Variants in RASSF3 observed in about 807,000 individuals in gnomAD.
RASSF3 encodes the protein Ras association domain family member 3.
A neutral mutation model predicts 19.9 loss-of-function variants in RASSF3; 19 were observed. That is an observed-to-expected ratio of 0.96 (90% CI 0.67 to 1.40). The LOEUF (loss-of-function observed/expected upper bound fraction) is 1.40. RASSF3 is among the 40% of genes most tolerant of loss of function. The pLI, the probability that RASSF3 is intolerant of heterozygous loss-of-function variation, is 0.00. For synonymous variants in RASSF3, 110 were observed against 104.2 expected (o/e 1.06, Z -0.34); for missense variants, 306 against 289.8 (o/e 1.06, Z -0.41).
downstream of RASSF3, among the ~76,000 whole-genome samples, chr12:64,542,807 C>T (rs1477735155): frequency 1.4e-4 from 21 of 152,312 alleles, no homozygotes; most frequent in Admixed American, 1.2e-3. Flanking sequence ...GGCGCCTCCT[C>T]GGCCTCGGTG....
rs1262511125 is a variant in RASSF3, at chr12:64,696,110, C to CCTCACTCCCTCACTCA, written c.*1201_*1202insACTCCCTCACTCACTC. The CCTCACTCCCTCACTCA allele has an allele frequency of 9.9e-6, 1 of 101,352 alleles. No homozygotes were observed. Among genetic ancestry groups the CCTCACTCCCTCACTCA allele is most frequent in the Non-Finnish European group, 2.1e-5 (1 of 47,384 alleles). 6.3% of individuals were successfully genotyped at this position (101,352 alleles called of 1,614,324 possible). ...TCCTCCCTCCCTCCCTCCCTCCCTC[C>CCTCACTCCCTCACTCA]CTCCCTCCCTCCTTCCCTCCCTCTC... On this transcript the variant is annotated 3_prime_UTR_variant, in exon 5 of 5. Coordinates refer to ENST00000542104, the MANE Select transcript of RASSF3 (RefSeq NM_178169.4).
chr12:64,595,668 T>A (rs1382667856), intron 2 of RASSF3, among the ~76,000 whole-genome samples: 2 of 152,204 alleles, frequency 1.3e-5, no homozygotes, highest in Non-Finnish European at 2.9e-5. Flanking sequence ...TCTTCTACAC[T>A]ACCCACATCA....
intron 1 of RASSF3, chr12:64,507,388 C>T: frequency 5.0e-6 from 2 of 397,894 alleles, no homozygotes; most frequent in East Asian, 7.1e-5. Flanking sequence ...GTGTGTGTTA[C>T]ATTTTAAAAT....
At chr12:64,631,658 G>A (rs1871172619) in intron 1 of RASSF3, among the ~76,000 whole-genome samples, 1 of 152,024 alleles carries the variant, frequency 6.6e-6, no homozygotes. Flanking sequence ...TGCAACCTCT[G>A]TCTCCCGGGT....
At chr12:64,620,660 A>AT (rs1870723013) in intron 1 of RASSF3, among the ~76,000 whole-genome samples, 1 of 152,108 alleles carries the variant, frequency 6.6e-6, no homozygotes, top group Non-Finnish European at 1.5e-5. Flanking sequence ...GAGGTTTCTA[A>AT]TTTTTGCTAC....
At chr12:64,520,642 A>T (rs911961869) in intron 1 of RASSF3, among the ~76,000 whole-genome samples, 4 of 150,004 alleles carry the variant, frequency 2.7e-5, no homozygotes, top group Non-Finnish European at 5.9e-5. Flanking sequence ...AGAAATATGT[A>T]TTAAATATGA....
At chr12:64,676,659 TGGG>T (rs1159860737) in intron 1 of RASSF3, among the ~76,000 whole-genome samples, 1 of 151,624 alleles carries the variant, frequency 6.6e-6, no homozygotes, top group Non-Finnish European at 1.5e-5. Flanking sequence ...TCAATAGAGA[TGGG>T]GTTTCACCAT....
upstream of RASSF3, chr12:64,609,475 C>G (rs1177585849): frequency 6.6e-6 from 1 of 152,128 alleles, no homozygotes; most frequent in African/African-American, 2.4e-5. Flanking sequence ...CTGAAGCTCG[C>G]TAACTATAGC....
At chr12:64,594,212 T>C (rs1329259735) in intron 2 of RASSF3, among the ~76,000 whole-genome samples, 1 of 151,758 alleles carries the variant, frequency 6.6e-6, no homozygotes, top group Non-Finnish European at 1.5e-5. Context: ...AATGCACCTG[T>C]AGTCCCAGCT....
chr12:64,675,721 A>G (rs761875878), intron 1 of RASSF3, among the ~76,000 whole-genome samples: 1 of 152,114 alleles, frequency 6.6e-6, no homozygotes, highest in Non-Finnish European at 1.5e-5. Flanking sequence ...CTATTGCTAC[A>G]AGGAGGATTA....
rs1448816424 is a variant in RASSF3, at chr12:64,696,254, G to A, written c.*1342G>A. On this transcript the variant is annotated 3_prime_UTR_variant, in exon 5 of 5. Transcript: ENST00000542104. ...GTTCTAAAGGGCAACTTGACTGTGA[G>A]TAGGAGGGCCCCCAAGAAAGGGAGG... is the stretch of plus-strand genomic sequence containing the variant. The A allele has an allele frequency of 1.3e-5, 2 of 152,042 alleles. No homozygotes were observed. The highest frequency in any genetic ancestry group is 2.9e-5 in the Non-Finnish European group (2 of 68,052). The allele number at this position is 152,042 out of a possible 1,614,324, so 9.4% of individuals were successfully genotyped here. A position where few individuals can be genotyped will look rare whatever the true frequency, so the allele number is the denominator to read the frequency against.
At chr12:64,582,313 TC>T in intron 2 of RASSF3, among the ~76,000 whole-genome samples, 1 of 152,192 alleles carries the variant, frequency 6.6e-6, no homozygotes. Flanking sequence ...TGCCAAGTTT[TC>T]CTTGTCTACT....
chr12:64,531,534 T>C (rs1462987057), upstream of RASSF3, among the ~76,000 whole-genome samples: 1 of 152,224 alleles, frequency 6.6e-6, no homozygotes, highest in Non-Finnish European at 1.5e-5. Context: ...TCACCACTAT[T>C]TTTTCCAAAA....
At chr12:64,613,248 A>G (rs2136155164) in intron 1 of RASSF3, among the ~76,000 whole-genome samples, 1 of 152,346 alleles carries the variant, frequency 6.6e-6, no homozygotes, top group South Asian at 2.1e-4. Flanking sequence ...TAAGAATAAG[A>G]TAAGCACTTC....
At chr12:64,610,445 G>C (rs1870300295), upstream of RASSF3, 3 of 198,080 alleles carry the variant, frequency 1.5e-5, no homozygotes, top group East Asian at 2.5e-4. Flanking sequence ...CCGGGGCCGA[G>C]CCGCGCCTGG....
chr12:64,670,724 T>G (rs1371456971), intron 1 of RASSF3, among the ~76,000 whole-genome samples: 4 of 152,234 alleles, frequency 2.6e-5, no homozygotes, highest in African/African-American at 9.6e-5. Context: ...AATTCCCTAC[T>G]AAGTTGCCAG....
chr12:64,649,187 C>T (rs1357334691), intron 1 of RASSF3, among the ~76,000 whole-genome samples: 4 of 139,064 alleles, frequency 2.9e-5, no homozygotes, highest in Non-Finnish European at 4.9e-5. Context: ...CAGCAGCCAT[C>T]TGGGTTTTTT....
At chr12:64,691,662 G>T in intron 4 of RASSF3, 83 bp downstream of exon 4, 1 of 976,692 alleles carries the variant, frequency 1.0e-6, no homozygotes, top group Non-Finnish European at 1.6e-6. Flanking sequence ...CTTGGCTATT[G>T]ATGGGGGATG....
intron 1 of RASSF3, 44 bp from the exon 2 acceptor site, chr12:64,684,743 T>A (rs1389563001): frequency 1.4e-6 from 2 of 1,427,080 alleles, no homozygotes; most frequent in Non-Finnish European, 2.0e-6. Context: ...TCCGCACTTT[T>A]TTTTATGATT....
Sources: allele counts gnomAD v4.1 joint callset (sites outside exome capture counted in the v4.1 genomes callset), GRCh38; gene constraint gnomAD v4.1.1; transcripts MANE v1.5; gene names NCBI Gene and HGNC (gene_info 2026-07-23, HGNC 2026-07-21).